The following CDH7 variants were observed in gnomAD, a reference collection of about 807,000 sequenced individuals.
CDH7 encodes cadherin 7.
CDH7 carries 25 observed loss-of-function variants against 71.8 expected under a neutral mutation model. The ratio of observed to expected loss-of-function variants is 0.35; its 90% confidence interval spans 0.25 to 0.49. The LOEUF (loss-of-function observed/expected upper bound fraction) is 0.49. CDH7 is among the 20% of genes least tolerant of loss of function. The pLI, the probability that CDH7 is intolerant of heterozygous loss-of-function variation, is 0.99. For synonymous variants in CDH7, 381 were observed against 363.8 expected (o/e 1.05, Z -0.54); for missense variants, 862 against 974.6 (o/e 0.88, Z 1.54).
chr18:65,800,436 C>G (rs1473880587), intron 2 of CDH7, among the ~76,000 whole-genome samples: 1 of 152,098 alleles, frequency 6.6e-6, no homozygotes, highest in African/African-American at 2.4e-5. Context: ...ATTTCCAGCA[C>G]CAATATTATT....
intron 2 of CDH7, among the ~76,000 whole-genome samples, chr18:65,770,955 T>C (rs1916524295): frequency 6.6e-6 from 1 of 152,208 alleles, no homozygotes; most frequent in African/African-American, 2.4e-5. Context: ...TCGTTCTGGC[T>C]GAGAAGTCCA....
At chr18:65,781,869 TCTCTCTC>T (rs1910245388) in intron 2 of CDH7, among the ~76,000 whole-genome samples, 1 of 117,586 alleles carries the variant, frequency 8.5e-6, no homozygotes, top group African/African-American at 3.9e-5. Flanking sequence ...TTTCTTTCTC[TCTCTCTC>T]TCTGTCTCTC....
intron 7 of CDH7, among the ~76,000 whole-genome samples, chr18:65,851,074 G>A (rs1337556418): frequency 6.7e-6 from 1 of 148,988 alleles, no homozygotes; most frequent in East Asian, 2.1e-4. Flanking sequence ...AAAATGCTGG[G>A]ATTACAGGCA....
rs1914267538 is a variant in CDH7 at position 65,882,788 on chromosome 18, A to G, written c.*1894A>G. ...TTAATCACACATGCAAGTTTTTCAA[A>G]CTAAAAAATAACAAACAAACAAAAA... On this transcript the variant is annotated 3_prime_UTR_variant, in exon 12 of 12. Transcript: ENST00000397968. 1 of 152,146 alleles carries G rather than the reference A, an allele frequency of 6.6e-6. No homozygotes were observed. Among genetic ancestry groups the G allele is most frequent in the South Asian group, 2.1e-4 (1 of 4,836 alleles). The allele number at this position is 152,146 out of a possible 1,614,324, so 9.4% of individuals were successfully genotyped here. A position where few individuals can be genotyped will look rare whatever the true frequency, so the allele number is the denominator to read the frequency against.
At position 65,880,796 on chromosome 18, in the gene CDH7, A is replaced by G. The variant is rs770481625; in HGVS notation, c.2260A>G (p.Asn754Asp). The part of the protein sequence containing the change: ...SLSSLDSISS[N>D]SDQNYDYLSD... ...CAGCTCTTTAGATTCCATCAGCTCA[A>G]ACTCTGATCAGAACTATGACTACCT... The change falls in exon 12 of 12, where the codon AAC (asparagine) becomes GAC (aspartate). Residue 754 changes from asparagine to aspartate, a missense_variant. Physicochemically the swap from Asn to Asp is conservative, Grantham distance 23. Coordinates refer to ENST00000397968, the MANE Select transcript of CDH7 (RefSeq NM_004361.5). 6.2e-7 allele frequency: 1 copy of G among 1,614,134 alleles called. No individual in the cohort carries two copies. Among genetic ancestry groups the G allele is most frequent in the Non-Finnish European group, 8.5e-7 (1 of 1,180,008 alleles).
intron 11 of CDH7, chr18:65,865,891 G>T (rs1465879061): frequency 6.6e-6 from 1 of 152,040 alleles, no homozygotes; most frequent in African/African-American, 2.4e-5. Context: ...TAGGCATTAG[G>T]TATCAGGATT....
At position 65,884,426 on chromosome 18, in the gene CDH7, T is replaced by G. The variant is rs1266355753; in HGVS notation, c.*3532T>G. On this transcript the variant is annotated 3_prime_UTR_variant, in exon 12 of 12. Coordinates refer to ENST00000397968, the MANE Select transcript of CDH7 (RefSeq NM_004361.5). ...AGGAAGCTCTGCTGATGACTACAAT[T>G]GAGGTTAGTTGTCTACAAGATACAT... The G allele has an allele frequency of 6.6e-6, 1 of 152,134 alleles. No individual in the cohort carries two copies. Among genetic ancestry groups the G allele is most frequent in the Admixed American group, 6.5e-5 (1 of 15,284 alleles). The allele number at this position is 152,134 out of a possible 1,614,324, so 9.4% of individuals were successfully genotyped here. A position where few individuals can be genotyped will look rare whatever the true frequency, so the allele number is the denominator to read the frequency against.
chr18:65,876,338 A>G (rs1568233544), intron 11 of CDH7, among the ~76,000 whole-genome samples: 1 of 152,172 alleles, frequency 6.6e-6, no homozygotes, highest in Non-Finnish European at 1.5e-5. Flanking sequence ...TTCTTTTGTG[A>G]CATCTTCTCC....
At chr18:65,779,174 A>G (rs1291841663) in intron 2 of CDH7, among the ~76,000 whole-genome samples, 1 of 151,002 alleles carries the variant, frequency 6.6e-6, no homozygotes, top group Admixed American at 6.6e-5. Flanking sequence ...CAGAATGAGC[A>G]TTCAGAAGCC....
At chr18:65,880,308 A>C in intron 11 of CDH7, 93 bp from the exon 12 acceptor site, 1 of 1,297,930 alleles carries the variant, frequency 7.7e-7, no homozygotes, top group South Asian at 1.6e-5. Flanking sequence ...AGGGAAGAAA[A>C]CCTGTAACTC....
chr18:65,819,669 G>A lies in CDH7; in HGVS notation c.626-2412G>A, dbSNP rs562411822. ...TGGAAGTGCAGATGACCCAGATCCT[G>A]GTTACTGTGAGAAGGTACTTCCTCA... On this transcript the variant is annotated intron_variant, in intron 4 of 11. Transcript: ENST00000397968. 1.1e-4 allele frequency among the ~76,000 whole-genome samples: 17 copies of A among 152,240 alleles called. No homozygotes were observed. In the South Asian group the frequency reaches 3.5e-3, roughly 32 times the overall value.
intron 11 of CDH7, among the ~76,000 whole-genome samples, chr18:65,869,224 C>CTTT (rs11339895): frequency 3.3e-5 from 5 of 149,516 alleles, no homozygotes; most frequent in African/African-American, 7.4e-5. Flanking sequence ...TGTCCAGGGT[C>CTTT]TTTTTTTTTT....
At chr18:65,799,592 C>T (rs111778162) in intron 2 of CDH7, among the ~76,000 whole-genome samples, 11 of 151,986 alleles carry the variant, frequency 7.2e-5, no homozygotes, top group Admixed American at 2.0e-4. Context: ...AGGAGAATGA[C>T]GTGAACCCAG....
upstream of CDH7, chr18:65,750,830 T>TGCGGACCCTGC (rs1568166065): frequency 1.3e-5 from 2 of 152,352 alleles, no homozygotes; most frequent in Non-Finnish European, 2.9e-5. Context: ...GCGCTCCCGC[T>TGCGGACCCTGC]GGCTCCGGAC....
At chr18:65,788,694 T>G (rs1910598517) in intron 2 of CDH7, among the ~76,000 whole-genome samples, 1 of 152,340 alleles carries the variant, frequency 6.6e-6, no homozygotes, top group South Asian at 2.1e-4. Context: ...CAGACACTTG[T>G]GCAGTTCAAA....
At chr18:65,778,490 T>A (rs1227340403) in intron 2 of CDH7, among the ~76,000 whole-genome samples, 1 of 143,246 alleles carries the variant, frequency 7.0e-6, no homozygotes, top group Admixed American at 7.0e-5. Flanking sequence ...ACTCTGAGAG[T>A]GAGCACCTTT....
At position 65,762,833 on chromosome 18, in the gene CDH7, A is replaced by G; in HGVS notation, c.-10A>G. ...TTTTCTTACACAGGAAAAAGAAAGA[A>G]AAAAAAAAGATGAAGTTGGGCAAAG... On this transcript the variant is annotated 5_prime_UTR_variant, in exon 2 of 12. Coordinates refer to ENST00000397968, the MANE Select transcript of CDH7 (RefSeq NM_004361.5). 6.3e-7 allele frequency: 1 copy of G among 1,597,384 alleles called. No homozygotes were observed. The highest frequency in any genetic ancestry group is 8.5e-7 in the Non-Finnish European group (1 of 1,174,384).
At position 65,784,781 on chromosome 18, in the gene CDH7, C is replaced by T. The variant is rs769277363; in HGVS notation, c.210+21729C>T. Among the ~76,000 whole-genome samples the T allele has an allele frequency of 3.9e-5, 6 of 152,136 alleles. 1 individual carries two copies. Among genetic ancestry groups the T allele is most frequent in the Non-Finnish European group, 7.4e-5 (5 of 68,018 alleles). ...AGCTTTTGATTTTTGCCACAATTCT[C>T]GGAACTTGATTTGTGACCTAACAAA... On this transcript the variant is annotated intron_variant, in intron 2 of 11. Transcript: ENST00000397968.
chr18:65,853,943 A>ATATATC (rs1913250643), intron 7 of CDH7, among the ~76,000 whole-genome samples: 1 of 107,196 alleles, frequency 9.3e-6, no homozygotes, highest in Non-Finnish European at 2.0e-5. Context: ...ATATATATAT[A>ATATATC]TATATATATA....
Sources: allele counts gnomAD v4.1 joint callset (sites outside exome capture counted in the v4.1 genomes callset), GRCh38; gene constraint gnomAD v4.1.1; transcripts MANE v1.5; gene names NCBI Gene and HGNC (gene_info 2026-07-23, HGNC 2026-07-21).